The following TYW1 variants were observed in gnomAD, a reference collection of about 807,000 sequenced individuals.
The protein encoded by TYW1 is tRNA-yW synthesizing protein 1 homolog, also known as S-adenosyl-L-methionine-dependent tRNA 4-demethylwyosine synthase TYW1.
Under a neutral mutation model 96.2 loss-of-function variants are expected in TYW1, and 46 were observed. The ratio of observed to expected loss-of-function variants is 0.48; its 90% confidence interval spans 0.38 to 0.61. The LOEUF (loss-of-function observed/expected upper bound fraction) is 0.61, where lower values mean the gene tolerates loss of function less well. TYW1 is among the 20% of genes least tolerant of loss of function. TYW1 has a pLI of 0.00. For missense variants in TYW1, 684 were observed against 909.6 expected (o/e 0.75, Z 3.19); for synonymous variants, 274 against 323.0 (o/e 0.85, Z 1.63).
chr7:67,135,149 G>T (rs1376167514), intron 13 of TYW1, among the ~76,000 whole-genome samples: 2 of 151,582 alleles, frequency 1.3e-5, no homozygotes, highest in Admixed American at 1.3e-4. Flanking sequence ...ATGAATACAT[G>T]CATATGTATA....
chr7:67,100,840 G>C lies in TYW1; in HGVS notation c.1562+2122G>C, dbSNP rs549154285. On this transcript the variant is annotated intron_variant, in intron 12 of 15. Transcript: ENST00000359626. ...GATCACGCCACTGCACTCCAGCCTGGGCTACAGAGCAAAAAAAAAAAAAAA... is the reference window on the plus strand; with the variant it reads ...GATCACGCCACTGCACTCCAGCCTGCGCTACAGAGCAAAAAAAAAAAAAAA... 3.5e-3 allele frequency among the ~76,000 whole-genome samples: 470 copies of C among 133,102 alleles called. 5 individuals carry two copies. The highest frequency in any genetic ancestry group is 0.013 in the African/African-American group (432 of 32,848). The allele number at this position is 133,102 out of a possible 152,430, so 87.3% of individuals were successfully genotyped here.
chr7:67,082,738 G>A (rs1001339727), intron 10 of TYW1, among the ~76,000 whole-genome samples: 4 of 152,126 alleles, frequency 2.6e-5, no homozygotes, highest in Admixed American at 1.3e-4. Flanking sequence ...GCTGTACTGC[G>A]CTGCCTGTTT....
intron 15 of TYW1, among the ~76,000 whole-genome samples, chr7:67,222,799 T>G (rs569307935): frequency 6.6e-6 from 1 of 151,952 alleles, no homozygotes; most frequent in South Asian, 2.1e-4. Flanking sequence ...CCTTCTGAGA[T>G]TGCCACGTGC....
At chr7:67,193,603 A>C (rs1278837008) in intron 14 of TYW1, among the ~76,000 whole-genome samples, 20 of 152,144 alleles carry the variant, frequency 1.3e-4, no homozygotes, top group Admixed American at 1.3e-3. Flanking sequence ...TACTAAAAAT[A>C]CAAAAATTAG....
chr7:66,996,893 G>T lies in TYW1; in HGVS notation c.-86G>T. ...ACTCGGTACGCCGCTAACGCGGCGA[G>T]GTAGCTCGGTGCGTCTCGCGGTACC... On this transcript the variant is annotated 5_prime_UTR_variant, in exon 1 of 16. It adds an upstream start codon to the 5' untranslated region. Coordinates refer to ENST00000359626, the MANE Select transcript of TYW1 (RefSeq NM_018264.4). 1 of 1,605,334 alleles carries T rather than the reference G, an allele frequency of 6.2e-7. No homozygotes were observed. The highest frequency in any genetic ancestry group is 1.1e-5 in the South Asian group (1 of 89,852).
intron 7 of TYW1, among the ~76,000 whole-genome samples, chr7:67,049,015 AAAAAT>A (rs1197314536): frequency 6.6e-6 from 1 of 152,248 alleles, no homozygotes; most frequent in African/African-American, 2.4e-5. Flanking sequence ...CTCTGTTTCA[AAAAAT>A]AAAATAAAGG....
At chr7:67,218,040 G>A (rs556881618) in intron 15 of TYW1, among the ~76,000 whole-genome samples, 15 of 151,226 alleles carry the variant, frequency 9.9e-5, no homozygotes, top group Non-Finnish European at 1.8e-4. Context: ...TGTGTTTTTA[G>A]TAGAGATGGG....
intron 13 of TYW1, among the ~76,000 whole-genome samples, chr7:67,172,970 A>AG (rs1232156284): frequency 6.6e-6 from 1 of 151,796 alleles, no homozygotes; most frequent in Non-Finnish European, 1.5e-5. Flanking sequence ...AAGTAAAAAA[A>AG]ATTAACTGGG....
In TYW1 at chr7:67,083,670, G is replaced by A. The variant is rs931160698; in HGVS notation, c.1384+131G>A. The A allele has an allele frequency of 2.5e-5, 24 of 965,914 alleles. No individual in the cohort carries two copies. The South Asian group carries it at 3.0e-4, about 12-fold the overall frequency. The allele number at this position is 965,914 out of a possible 1,614,324, so 59.8% of individuals were successfully genotyped here. On this transcript the variant is annotated intron_variant, in intron 11 of 15. Transcript: ENST00000359626. ...TTTCCTCTAAGGAAGTGAAAACTTT[G>A]TAGGAATATTATATATATTTTGCCT...
chr7:67,160,880 C>T (rs1404217203), intron 13 of TYW1, among the ~76,000 whole-genome samples: 2 of 152,036 alleles, frequency 1.3e-5, no homozygotes, highest in Non-Finnish European at 2.9e-5. Context: ...GCGTGATCCA[C>T]TGTGCCCGGC....
intron 3 of TYW1, among the ~76,000 whole-genome samples, chr7:67,003,200 A>G (rs1793464263): frequency 6.6e-6 from 1 of 152,042 alleles, no homozygotes. Flanking sequence ...TGAACTCCCA[A>G]TTTTCTGCCC....
chr7:67,055,902 T>A lies in TYW1; in HGVS notation c.1155+15T>A, dbSNP rs748127071. 1.9e-6 allele frequency: 3 copies of A among 1,610,026 alleles called. No homozygotes were observed. Among genetic ancestry groups the A allele is most frequent in the Non-Finnish European group, 1.7e-6 (2 of 1,177,452 alleles). On this transcript the variant is annotated intron_variant, in intron 9 of 15. Transcript: ENST00000359626. ...GGTGGACAAAGGTATTTTTTTTGTTTTTATTCAATATGTCTATTACATGCA... is the reference window on the plus strand; with the variant it reads ...GGTGGACAAAGGTATTTTTTTTGTTATTATTCAATATGTCTATTACATGCA...
intron 10 of TYW1, among the ~76,000 whole-genome samples, chr7:67,079,352 A>G (rs1796310727): frequency 6.6e-6 from 1 of 152,044 alleles, no homozygotes; most frequent in Non-Finnish European, 1.5e-5. Flanking sequence ...GTGTGTGTAC[A>G]GGAATTTCTA....
chr7:67,141,091 AT>A (rs1325087700), intron 13 of TYW1, among the ~76,000 whole-genome samples: 1 of 152,242 alleles, frequency 6.6e-6, no homozygotes, highest in Non-Finnish European at 1.5e-5. Context: ...CTGGGGAAAA[AT>A]AGCCTATAAG....
In TYW1 at chr7:67,238,746, C is replaced by T; in HGVS notation, c.*217C>T. On this transcript the variant is annotated 3_prime_UTR_variant, in exon 16 of 16. Coordinates refer to ENST00000359626, the MANE Select transcript of TYW1 (RefSeq NM_018264.4). ...TTCTTTTCAGAACTCAGCCCCTTTC[C>T]TGATTTTACTTCTAAGAGGAAAATT... 1 of 1,378,222 alleles carries T rather than the reference C, an allele frequency of 7.3e-7. No individual in the cohort carries two copies. 85.4% of individuals were successfully genotyped at this position (1,378,222 alleles called of 1,614,324 possible).
chr7:67,085,003 ATTC>A (rs1796504096), intron 11 of TYW1, among the ~76,000 whole-genome samples: 1 of 152,174 alleles, frequency 6.6e-6, no homozygotes, highest in South Asian at 2.1e-4. Flanking sequence ...TCTCTCCTGT[ATTC>A]TTCTTTTCCG....
chr7:67,198,269 C>T (rs987221782), intron 15 of TYW1, among the ~76,000 whole-genome samples: 7 of 151,954 alleles, frequency 4.6e-5, no homozygotes, highest in African/African-American at 1.2e-4. Context: ...AATGTAGGCC[C>T]GGTGTGGTGG....
chr7:67,059,466 A>G (rs1370088011), intron 9 of TYW1, among the ~76,000 whole-genome samples: 1 of 151,530 alleles, frequency 6.6e-6, no homozygotes, highest in African/African-American at 2.4e-5. Context: ...AATAATTATC[A>G]TTGGCTGCAA....
intron 13 of TYW1, among the ~76,000 whole-genome samples, chr7:67,162,346 TC>T (rs1799189046): frequency 6.7e-6 from 1 of 149,094 alleles, no homozygotes; most frequent in South Asian, 2.1e-4. Flanking sequence ...ATTCTGAACA[TC>T]CCTGGACTAT....
Sources: allele counts gnomAD v4.1 joint callset (sites outside exome capture counted in the v4.1 genomes callset), GRCh38; gene constraint gnomAD v4.1.1; transcripts MANE v1.5; gene names NCBI Gene and HGNC (gene_info 2026-07-23, HGNC 2026-07-21).